KLF13: variants seen among roughly 807,000 people sequenced by gnomAD.
KLF13 encodes Krueppel-like factor 13.
A neutral mutation model predicts 16.7 loss-of-function variants in KLF13; 8 were observed. The observed-to-expected ratio is 0.48, with a 90% CI of 0.28 to 0.87. The LOEUF (loss-of-function observed/expected upper bound fraction) is 0.87, where lower values mean the gene tolerates loss of function less well. Among genes scored for constraint, KLF13 ranks in the 40% least tolerant of loss-of-function variants. The probability of loss-of-function intolerance (pLI) is 0.10; values close to 1 mark genes in which losing one functional copy is unlikely to be tolerated. For synonymous variants in KLF13, 245 were observed against 208.4 expected, an observed-to-expected ratio of 1.18 and a Z score of -1.51; for missense variants, 447 against 452.2, an observed-to-expected ratio of 0.99 and a Z score of 0.10.
At chr15:31,410,344 AG>A (rs2040177141) in intron 1 of KLF13, among the ~76,000 whole-genome samples, 1 of 152,102 alleles carries the variant, frequency 6.6e-6, no homozygotes, top group African/African-American at 2.4e-5. Context: ...AAAAGTACAG[AG>A]GGACCAAAAA....
rs1341268874 is a variant in KLF13, at chr15:31,420,216, C to T, written n.118-15154C>T. On this transcript the variant is annotated intron_variant and non_coding_transcript_variant, in intron 1 of 1. Coordinates refer to the KLF13 transcript ENST00000558225. ...CTGAGTGGGGGTGCTGCCCAGAATC[C>T]TGTGGGCAAAAGACTACAGCAGGAG... 6.3e-6 allele frequency: 4 copies of T among 631,422 alleles called. No individual in the cohort carries two copies. In the East Asian group the frequency reaches 1.6e-4, roughly 25 times the overall value. 39.1% of individuals were successfully genotyped at this position (631,422 alleles called of 1,614,324 possible).
intron 1 of KLF13, among the ~76,000 whole-genome samples, chr15:31,422,943 A>G (rs1167208796): frequency 6.6e-6 from 1 of 151,464 alleles, no homozygotes; most frequent in African/African-American, 2.4e-5. Context: ...GGGCTGAGGC[A>G]GGAGAATCAC....
chr15:31,381,573 C>A (rs77490987), downstream of KLF13, among the ~76,000 whole-genome samples: 1 of 152,144 alleles, frequency 6.6e-6, no homozygotes, highest in Non-Finnish European at 1.5e-5. Context: ...GCCTTCATGT[C>A]CTTCCTGCAC....
intron 2 of KLF13, among the ~76,000 whole-genome samples, chr15:31,397,308 C>A (rs1464800844): frequency 6.6e-6 from 1 of 152,176 alleles, no homozygotes; most frequent in Non-Finnish European, 1.5e-5. Flanking sequence ...CGGCGCTCCG[C>A]TCAGGCCACG....
intron 1 of KLF13, among the ~76,000 whole-genome samples, chr15:31,351,944 G>A (rs1472567590): frequency 6.6e-6 from 1 of 152,018 alleles, no homozygotes; most frequent in African/African-American, 2.4e-5. Flanking sequence ...CCCAGGAGGT[G>A]GAGGTTGCAG....
At chr15:31,416,240 G>A (rs2040256804) in intron 1 of KLF13, among the ~76,000 whole-genome samples, 1 of 151,990 alleles carries the variant, frequency 6.6e-6, no homozygotes, top group African/African-American at 2.4e-5. Context: ...GCATTTAAAG[G>A]AGAATTAATG....
rs2038728117 is a variant in KLF13, at chr15:31,327,302, G to C, written c.90G>C (p.Gly30=). ...CGGTCGTGCACGGGCCGCGGGAGGG[G>C]CCGGAGTCCCGGCCCGAGGGCGCGG... ...SRAVVHGPRE[G]PESRPEGAAV... is the part of the protein sequence containing the mutation. Residue 30 remains glycine (G), a synonymous_variant, in exon 1 of 2, where the codon GGG becomes GGC. Coordinates refer to ENST00000307145, the MANE Select transcript of KLF13 (RefSeq NM_015995.4). 1 of 1,303,728 alleles carries C rather than the reference G, an allele frequency of 7.7e-7. No individual in the cohort carries two copies. The highest frequency in any genetic ancestry group is 2.9e-4 in the Middle Eastern group (1 of 3,392). The allele number at this position is 1,303,728 out of a possible 1,614,324, so 80.8% of individuals were successfully genotyped here.
At chr15:31,429,820 G>T (rs533009381) in intron 1 of KLF13, among the ~76,000 whole-genome samples, 66 of 151,720 alleles carry the variant, frequency 4.4e-4, no homozygotes, top group African/African-American at 1.6e-3. Flanking sequence ...TGCAAGCTCC[G>T]CCTCCCAGGT....
intron 2 of KLF13, among the ~76,000 whole-genome samples, chr15:31,397,525 G>A (rs2039970818): frequency 6.6e-6 from 1 of 152,238 alleles, no homozygotes; most frequent in Non-Finnish European, 1.5e-5. Flanking sequence ...TCAAGGGAGG[G>A]GCGCTGGGAA....
At chr15:31,367,032 G>A (rs186271748) in intron 1 of KLF13, among the ~76,000 whole-genome samples, 5 of 152,250 alleles carry the variant, frequency 3.3e-5, no homozygotes, top group Non-Finnish European at 7.3e-5. Context: ...CTAATACGAT[G>A]AAAGCAGTGG....
intron 1 of KLF13, among the ~76,000 whole-genome samples, chr15:31,387,815 G>A (rs1232002005): frequency 6.6e-6 from 1 of 152,246 alleles, no homozygotes; most frequent in Non-Finnish European, 1.5e-5. Flanking sequence ...AGATGTCCGT[G>A]ACAGGGCTGT....
chr15:31,328,334 C>G (rs544522336), intron 1 of KLF13, among the ~76,000 whole-genome samples: 1 of 151,936 alleles, frequency 6.6e-6, no homozygotes. Context: ...TCTTCGCTCT[C>G]TTCTTCCTGT....
chr15:31,327,619 A>T lies in KLF13; in HGVS notation c.407A>T (p.Glu136Val). ...GAGGCGGGGCTGGAGCCCGAGCGGG[A>T]GCCGGGGCCCGCGGGGAGCGGCGAG... is the stretch of plus-strand genomic sequence containing the variant. The part of the protein sequence containing the change: ...EPEAGLEPER[E>V]PGPAGSGEPG... The change falls in exon 1 of 2, where the codon GAG (glutamate) becomes GTG (valine). Residue 136 changes from glutamate (E) to valine (V), a missense_variant. Glu to Val is a moderately radical substitution (Grantham distance 121). This residue lies in a region of KLF13 where 359 missense variants were observed against 282.8 expected (regional missense o/e 1.27). Transcript: ENST00000307145. The T allele has an allele frequency of 7.5e-7, 1 of 1,336,520 alleles. No individual in the cohort carries two copies. Among genetic ancestry groups the T allele is most frequent in the Non-Finnish European group, 9.7e-7 (1 of 1,028,240 alleles). The allele number at this position is 1,336,520 out of a possible 1,614,324, so 82.8% of individuals were successfully genotyped here.
intron 1 of KLF13, among the ~76,000 whole-genome samples, chr15:31,348,616 G>A (rs528282142): frequency 2.0e-5 from 3 of 152,072 alleles, no homozygotes; most frequent in African/African-American, 4.8e-5. Flanking sequence ...ACTGATGTCC[G>A]CATTTTTTAG....
chr15:31,379,094 A>G (rs1330094138), downstream of KLF13, among the ~76,000 whole-genome samples: 1 of 152,208 alleles, frequency 6.6e-6, no homozygotes, highest in Admixed American at 6.5e-5. Context: ...CAGGCATCGC[A>G]GTTGATTAGA....
At chr15:31,344,897 G>A (rs1384595108) in intron 1 of KLF13, among the ~76,000 whole-genome samples, 1 of 152,138 alleles carries the variant, frequency 6.6e-6, no homozygotes, top group South Asian at 2.1e-4. Context: ...GGGAGGGGCC[G>A]CAAGTAACCA....
chr15:31,330,705 A>G (rs752703014), intron 1 of KLF13, among the ~76,000 whole-genome samples: 1 of 152,254 alleles, frequency 6.6e-6, no homozygotes, highest in African/African-American at 2.4e-5. Context: ...CCACTCTTCC[A>G]GGAGTTATCC....
intron 1 of KLF13, among the ~76,000 whole-genome samples, chr15:31,368,907 G>A (rs2039516500): frequency 6.6e-6 from 1 of 152,056 alleles, no homozygotes; most frequent in South Asian, 2.1e-4. Flanking sequence ...CCTCTCACCA[G>A]TCCAGCCCCA....
At chr15:31,394,435 C>G (rs569341787) in intron 2 of KLF13, among the ~76,000 whole-genome samples, 2 of 151,016 alleles carry the variant, frequency 1.3e-5, no homozygotes, top group East Asian at 3.9e-4. Context: ...TGCAGTGAGC[C>G]CAGATTGGGC....
Sources: allele counts gnomAD v4.1 joint callset (sites outside exome capture counted in the v4.1 genomes callset), GRCh38; gene constraint gnomAD v4.1.1; regional missense constraint gnomAD v4.1.1; transcripts MANE v1.5; gene names NCBI Gene and HGNC (gene_info 2026-07-23, HGNC 2026-07-21).